TXNDC16: variants seen among roughly 807,000 people sequenced by gnomAD.
TXNDC16 encodes the protein thioredoxin domain containing 16.
A neutral mutation model predicts 85.6 loss-of-function variants in TXNDC16; 74 were observed. That is an observed-to-expected ratio of 0.86 (90% CI 0.72 to 1.05). The LOEUF (loss-of-function observed/expected upper bound fraction) is 1.05. Ranked by LOEUF, TXNDC16 falls within the 50% of genes least tolerant of loss-of-function variation. The probability of loss-of-function intolerance (pLI) is 0.00; values close to 1 mark genes in which losing one functional copy is unlikely to be tolerated. For synonymous variants in TXNDC16, 335 were observed against 326.5 expected (o/e 1.03, Z -0.28); for missense variants, 959 against 947.0 (o/e 1.01, Z -0.17).
At chr14:52,477,570 A>G (rs1359009170) in intron 14 of TXNDC16, among the ~76,000 whole-genome samples, 2 of 152,222 alleles carry the variant, frequency 1.3e-5, no homozygotes, top group Non-Finnish European at 2.9e-5. Flanking sequence ...CAGTTATAAA[A>G]AAGACAAAGG....
chr14:52,551,022 C>A (rs1291034915), intron 1 of TXNDC16, among the ~76,000 whole-genome samples: 1 of 152,082 alleles, frequency 6.6e-6, no homozygotes, highest in African/African-American at 2.4e-5. Context: ...GCAAGCCGTA[C>A]CCTCTCATAC....
At chr14:52,532,095 G>T (rs778669186) in intron 6 of TXNDC16, among the ~76,000 whole-genome samples, 1 of 152,052 alleles carries the variant, frequency 6.6e-6, no homozygotes, top group Non-Finnish European at 1.5e-5. Context: ...AAATAAATTT[G>T]ACCACATAAT....
intron 14 of TXNDC16, among the ~76,000 whole-genome samples, chr14:52,474,144 T>C (rs1023924221): frequency 6.6e-6 from 1 of 152,194 alleles, no homozygotes; most frequent in Non-Finnish European, 1.5e-5. Context: ...GCCCTTGCAT[T>C]GAGGGGGCAG....
intron 20 of TXNDC16, among the ~76,000 whole-genome samples, chr14:52,433,412 T>C (rs77958864): frequency 0.086 from 13,057 of 152,192 alleles, 620 homozygotes; most frequent in South Asian, 0.14. Context: ...TTTTAAAAAA[T>C]AAACTATATA....
In TXNDC16 at chr14:52,543,449, A is replaced by C. The variant is rs938901531; in HGVS notation, c.109T>G (p.Phe37Val). 4 of 1,613,246 alleles carry C rather than the reference A, an allele frequency of 2.5e-6. No homozygotes were observed. The highest frequency in any genetic ancestry group is 3.4e-6 in the Non-Finnish European group (4 of 1,179,656). Residue 37 changes from phenylalanine (F) to valine (V), a missense_variant, in exon 3 of 21, where the codon TTT (phenylalanine) becomes GTT (valine). By Grantham distance (50) the Phe-to-Val change is conservative (BLOSUM62 -1). Transcript: ENST00000281741. ...GCTTTTCCTGGTTGCAATGTACTAAAATATTTCTGAGGACTCAGTTCTGGT... is the reference window on the plus strand; with the variant it reads ...GCTTTTCCTGGTTGCAATGTACTAACATATTTCTGAGGACTCAGTTCTGGT... Reference protein sequence around the residue: ...SLPELSPQKYFSTLQPGKASL... With the variant: ...SLPELSPQKYVSTLQPGKASL...
At chr14:52,526,285 C>T (rs59770410) in intron 6 of TXNDC16, among the ~76,000 whole-genome samples, 14,660 of 152,194 alleles carry the variant, frequency 0.096, 821 homozygotes, top group East Asian at 0.17. Flanking sequence ...AATACTTTTA[C>T]AGGGTTCAAA....
intron 12 of TXNDC16, among the ~76,000 whole-genome samples, chr14:52,487,250 A>G (rs1156914127): frequency 6.6e-6 from 1 of 152,190 alleles, no homozygotes; most frequent in African/African-American, 2.4e-5. Flanking sequence ...AGCAATTCTA[A>G]CCCCTGCATA....
At chr14:52,483,160 G>A (rs2036188987) in intron 12 of TXNDC16, among the ~76,000 whole-genome samples, 195 bp from the exon 13 acceptor site, 2 of 152,058 alleles carry the variant, frequency 1.3e-5, no homozygotes, top group South Asian at 4.1e-4. Flanking sequence ...TCCTGACCTA[G>A]AAGTTGGGAA....
chr14:52,525,032 G>A (rs945160150), intron 6 of TXNDC16, among the ~76,000 whole-genome samples: 3 of 151,912 alleles, frequency 2.0e-5, no homozygotes, highest in Admixed American at 1.3e-4. Context: ...TGAGGCAGGA[G>A]AATCGTGTGA....
intron 18 of TXNDC16, among the ~76,000 whole-genome samples, chr14:52,447,355 G>A (rs2035309532): frequency 6.6e-6 from 1 of 152,146 alleles, no homozygotes; most frequent in African/African-American, 2.4e-5. Flanking sequence ...ATCCTAAAGG[G>A]AAGAACACAG....
At position 52,534,155 on chromosome 14, in the gene TXNDC16, T is replaced by C. The variant is rs542715831; in HGVS notation, c.392+2564A>G. 2.6e-5 allele frequency among the ~76,000 whole-genome samples: 4 copies of C among 152,288 alleles called. No homozygotes were observed. In the South Asian group the frequency reaches 6.2e-4, roughly 24 times the overall value. ...GCTGGACTCCTCACTTTTCAGTGGTTACCCAAAAGCCTAAACTTATACAGA... is the reference window on the plus strand; with the variant it reads ...GCTGGACTCCTCACTTTTCAGTGGTCACCCAAAAGCCTAAACTTATACAGA... On this transcript the variant is annotated intron_variant, in intron 6 of 20. Transcript: ENST00000281741.
At chr14:52,433,833 G>T (rs188884059) in intron 20 of TXNDC16, among the ~76,000 whole-genome samples, 1 of 152,160 alleles carries the variant, frequency 6.6e-6, no homozygotes, top group Non-Finnish European at 1.5e-5. Flanking sequence ...CAGGTAAGAA[G>T]AATAACTGTA....
intron 6 of TXNDC16, among the ~76,000 whole-genome samples, chr14:52,533,122 CCTGGATGTACAATGCT>C (rs1295416372): frequency 2.0e-5 from 3 of 152,022 alleles, no homozygotes; most frequent in Admixed American, 6.6e-5. Flanking sequence ...GTTGACAACA[CCTGGATGTACAATGCT>C]CTGGGGCTCA....
chr14:52,538,143 G>A (rs898935666), intron 4 of TXNDC16, among the ~76,000 whole-genome samples: 5 of 152,214 alleles, frequency 3.3e-5, no homozygotes, highest in African/African-American at 1.2e-4. Flanking sequence ...GCCTGCAATG[G>A]CTAAATGGTG....
chr14:52,455,524 T>C (rs2035513188), intron 17 of TXNDC16, 62 bp from the exon 18 acceptor site: 1 of 1,596,620 alleles, frequency 6.3e-7, no homozygotes, highest in Non-Finnish European at 8.5e-7. Flanking sequence ...AACATGAAAA[T>C]CTAGGCTAGG....
intron 9 of TXNDC16, among the ~76,000 whole-genome samples, chr14:52,496,777 T>A (rs936489706): frequency 1.7e-4 from 26 of 151,954 alleles, no homozygotes; most frequent in African/African-American, 6.3e-4. Flanking sequence ...ACCCAGCTAA[T>A]TTTTTATGTT....
intron 12 of TXNDC16, among the ~76,000 whole-genome samples, chr14:52,484,219 A>G (rs900460302): frequency 4.6e-5 from 7 of 151,750 alleles, no homozygotes; most frequent in Admixed American, 3.3e-4. Context: ...TGATTGGAGC[A>G]GAATGAGCCA....
chr14:52,538,858 G>C (rs2037764439), intron 4 of TXNDC16, among the ~76,000 whole-genome samples: 1 of 152,104 alleles, frequency 6.6e-6, no homozygotes, highest in African/African-American at 2.4e-5. Flanking sequence ...TGTTTAAAAG[G>C]CTACAAAACA....
At chr14:52,508,503 T>C (rs1186896319) in intron 9 of TXNDC16, among the ~76,000 whole-genome samples, 1 of 152,180 alleles carries the variant, frequency 6.6e-6, no homozygotes, top group Non-Finnish European at 1.5e-5. Flanking sequence ...TGGAAGTCAG[T>C]GTGGGGATTC....
Sources: gnomAD v4.1 joint callset for allele counts (sites outside exome capture counted in the v4.1 genomes callset) on GRCh38, gnomAD v4.1.1 for gene constraint, MANE v1.5 for transcripts, NCBI Gene and HGNC (gene_info 2026-07-23, HGNC 2026-07-21) for gene names.